Variants in DHRS1 observed in about 807,000 individuals in gnomAD.
DHRS1 encodes the protein dehydrogenase/reductase SDR family member 1.
DHRS1 carries 34 observed loss-of-function variants against 35.2 expected under a neutral mutation model. The ratio of observed to expected loss-of-function variants is 0.97; its 90% CI spans 0.74 to 1.29. DHRS1 has a LOEUF of 1.29. Among genes scored for constraint, DHRS1 ranks in the 50% most tolerant of loss-of-function variants. The pLI is 0.00. For synonymous variants in DHRS1, 133 were observed against 160.0 expected (o/e 0.83, Z 1.27); for missense variants, 354 against 403.6 (o/e 0.88, Z 1.05).
At chr14:24,299,339 G>GGA in intron 1 of DHRS1, 1 of 519,226 alleles carries the variant, frequency 1.9e-6, no homozygotes, top group South Asian at 2.4e-5. Flanking sequence ...AGTGAAGAAG[G>GGA]GGCTGAGTGG....
intron 5 of DHRS1, 24 bp downstream of exon 5, chr14:24,292,623 CCTCAG>C: frequency 6.2e-7 from 1 of 1,614,216 alleles, no homozygotes; most frequent in Non-Finnish European, 8.5e-7. Flanking sequence ...TCTTTTACCT[CCTCAG>C]CTCCTATGCC....
chr14:24,293,565 T>G (rs540831872), intron 4 of DHRS1: 31 of 151,546 alleles, frequency 2.0e-4, no homozygotes, highest in African/African-American at 7.3e-4. Context: ...CAGAGTGAGA[T>G]TGTCTCAAAA....
At position 24,299,206 on chromosome 14, in the gene DHRS1, A is replaced by G. The variant is rs115780613; in HGVS notation, c.-24-76T>C. On this transcript the variant is annotated intron_variant, in intron 1 of 8. Transcript: ENST00000288111. ...TTGGGGCGAGGTTGGGGGGTAGGGG[A>G]GAACCTCACTAGGGCTAAGAGGAGG... 266 of 1,374,660 alleles carry G rather than the reference A, an allele frequency of 1.9e-4. 1 individual carries two copies. In the African/African-American group the frequency reaches 3.5e-3, roughly 18 times the overall value. 85.2% of individuals were successfully genotyped at this position (1,374,660 alleles called of 1,614,324 possible).
chr14:24,292,656 G>C lies in DHRS1; in HGVS notation c.503C>G (p.Ala168Gly). ...MFNVPYGVGKAACDKLAADCA... is the reference protein window; with the variant it reads ...MFNVPYGVGKGACDKLAADCA... Reference sequence around the variant, plus strand: ...CCTATGCCACTGGGTCCTCACCGCAGCTTTGCCCACACCATAGGGGACATT... The same window carrying C: ...CCTATGCCACTGGGTCCTCACCGCACCTTTGCCCACACCATAGGGGACATT... The change falls in exon 5 of 9, where the codon GCT becomes GGT. Residue 168 changes from alanine (A) to glycine (G), a missense_variant. Transcript: ENST00000288111. 6.2e-7 allele frequency: 1 copy of C among 1,614,218 alleles called. No homozygotes were observed. Among genetic ancestry groups the C allele is most frequent in the Non-Finnish European group, 8.5e-7 (1 of 1,180,044 alleles).
At chr14:24,296,394 G>T in intron 4 of DHRS1, 115 bp downstream of exon 4, 2 of 991,396 alleles carry the variant, frequency 2.0e-6, no homozygotes, top group Non-Finnish European at 3.1e-6. Context: ...ATGGAAGGGA[G>T]AAGAAAGAGA....
At position 24,299,054 on chromosome 14, in the gene DHRS1, C is replaced by T; in HGVS notation, c.53G>A (p.Gly18Asp). Residue 18 changes from glycine to aspartate, a missense_variant, in exon 2 of 9, where the codon GGT becomes GAT. Transcript: ENST00000288111. ...CTGCAAGGCAATGCCACGGCCAATA[C>T]CCCTGGAGGCACCAGTCACCACACA... ...QVCVVTGASR[G>D]IGRGIALQLC... 1 of 1,614,094 alleles carries T rather than the reference C, an allele frequency of 6.2e-7. No individual in the cohort carries two copies. Among genetic ancestry groups the T allele is most frequent in the Non-Finnish European group, 8.5e-7 (1 of 1,179,968 alleles).
intron 3 of DHRS1, 28 bp from the exon 4 acceptor site, chr14:24,296,616 G>A: frequency 6.2e-7 from 1 of 1,613,884 alleles, no homozygotes; most frequent in Non-Finnish European, 8.5e-7. Context: ...GGTGATGAAT[G>A]ATCTGAAGGT....
At position 24,290,784 on chromosome 14, in the gene DHRS1, T is replaced by C. The variant is rs112529214; in HGVS notation, c.*75A>G. ...GGTATGGGTAAACAAGAAAGGCTGC[T>C]GTTTCACTGAGACAGGACGAACCAC... On this transcript the variant is annotated 3_prime_UTR_variant, in exon 9 of 9. Coordinates refer to ENST00000288111, the MANE Select transcript of DHRS1 (RefSeq NM_001136050.3). The C allele has an allele frequency of 2.9e-5, 45 of 1,575,204 alleles. No homozygotes were observed. The African/African-American group carries it at 4.2e-4, about 15-fold the overall frequency.
chr14:24,291,669 C>G, intron 6 of DHRS1, 44 bp from the exon 7 acceptor site: 16 of 1,580,760 alleles, frequency 1.0e-5, no homozygotes, highest in Non-Finnish European at 1.4e-5. Flanking sequence ...TTTCCAAGAG[C>G]ACTGCCCAGG....
chr14:24,292,422 C>T (rs1594603694), intron 5 of DHRS1, 92 bp from the exon 6 acceptor site: 1 of 1,555,612 alleles, frequency 6.4e-7, no homozygotes, highest in Non-Finnish European at 8.7e-7. Flanking sequence ...GCTCCACCCA[C>T]CCTGTCCTTC....
In DHRS1 at chr14:24,299,459, C is replaced by G. The variant is rs1252159333; in HGVS notation, c.-25+122G>C. On this transcript the variant is annotated intron_variant, in intron 1 of 8. Coordinates refer to ENST00000288111, the MANE Select transcript of DHRS1 (RefSeq NM_001136050.3). ...GCGTCCACGCAGAGTCCTGGGCTAT[C>G]TGAAGCTCCGGTCCCTGGCCTGACC... The G allele has an allele frequency of 2.6e-5, 6 of 233,700 alleles. No individual in the cohort carries two copies. In the Admixed American group the frequency reaches 3.1e-4, roughly 12 times the overall value. The allele number at this position is 233,700 out of a possible 1,614,324, so 14.5% of individuals were successfully genotyped here. A position where few individuals can be genotyped will look rare whatever the true frequency, so the allele number is the denominator to read the frequency against.
Position 24,291,010 on chromosome 14 carries a change from AGGAGGAGGATTAGATTC to A in DHRS1, c.806-32_806-16del. On this transcript the variant is annotated splice_polypyrimidine_tract_variant and intron_variant, in intron 8 of 8. Transcript: ENST00000288111. Reference sequence around the variant, plus strand: ...GACGGGGCGGCCTGGGAACAACAGGAGGAGGAGGATTAGATTCTCATTTCCCACTCCTCAGATACCCT... The same window carrying A: ...GACGGGGCGGCCTGGGAACAACAGGATCATTTCCCACTCCTCAGATACCCT... 6.2e-7 allele frequency: 1 copy of A among 1,614,000 alleles called. No individual in the cohort carries two copies. Among genetic ancestry groups the A allele is most frequent in the Non-Finnish European group, 8.5e-7 (1 of 1,179,954 alleles).
intron 6 of DHRS1, 79 bp downstream of exon 6, chr14:24,292,105 G>T: frequency 6.4e-7 from 1 of 1,556,868 alleles, no homozygotes; most frequent in Non-Finnish European, 8.8e-7. Context: ...CCTGGTGAGT[G>T]GGAGTATCTG....
intron 4 of DHRS1, 93 bp downstream of exon 4, chr14:24,296,416 G>GGGCGCGGTGGCTCA (rs2041247966): frequency 8.2e-7 from 1 of 1,225,550 alleles, no homozygotes; most frequent in Non-Finnish European, 1.2e-6. Flanking sequence ...GGGGGAGGCC[G>GGGCGCGGTGGCTCA]GAGGGAAAAG....
Position 24,290,664 on chromosome 14 carries a change from A to T in DHRS1, c.*195T>A, listed in dbSNP as rs550896096. The T allele has an allele frequency of 3.2e-4, 188 of 588,562 alleles. 2 individuals carry two copies. The highest frequency in any genetic ancestry group is 2.9e-3 in the African/African-American group (157 of 54,076). The allele number at this position is 588,562 out of a possible 1,614,324, so 36.5% of individuals were successfully genotyped here. On this transcript the variant is annotated 3_prime_UTR_variant, in exon 9 of 9. Coordinates refer to ENST00000288111, the MANE Select transcript of DHRS1 (RefSeq NM_001136050.3). Reference sequence around the variant, plus strand: ...TTCAATACTAAGGCAAAAAGTAAAAAGAAGGACAAGGAAAACCAAGGCACA... The same window carrying T: ...TTCAATACTAAGGCAAAAAGTAAAATGAAGGACAAGGAAAACCAAGGCACA...
chr14:24,296,644 T>C (rs1376033524), intron 3 of DHRS1, 56 bp from the exon 4 acceptor site: 1 of 1,612,672 alleles, frequency 6.2e-7, no homozygotes, highest in East Asian at 2.2e-5. Context: ...TGTGAGGGGC[T>C]GGGTAATGGA....
In DHRS1 at chr14:24,292,069, C is replaced by G. The variant is rs2041166097; in HGVS notation, c.654+115G>C. On this transcript the variant is annotated intron_variant, in intron 6 of 8. Transcript: ENST00000288111. Reference sequence around the variant, plus strand: ...AAGGAAATAATGTGTGTCCCATGCTCAGCCCTGCACCTGCCACAGTAAGCA... The same window carrying G: ...AAGGAAATAATGTGTGTCCCATGCTGAGCCCTGCACCTGCCACAGTAAGCA... The G allele has an allele frequency of 3.1e-6, 4 of 1,309,158 alleles. No individual in the cohort carries two copies. The South Asian group carries it at 5.1e-5, about 17-fold the overall frequency. 81.1% of individuals were successfully genotyped at this position (1,309,158 alleles called of 1,614,324 possible).
At chr14:24,296,457 C>T (rs1347531244) in intron 4 of DHRS1, 52 bp downstream of exon 4, 5 of 1,579,748 alleles carry the variant, frequency 3.2e-6, no homozygotes, top group African/African-American at 2.7e-5. Flanking sequence ...GCCTGGCCGT[C>T]GAGTTGGCTA....
intron 4 of DHRS1, 68 bp from the exon 5 acceptor site, chr14:24,292,852 G>A: frequency 6.5e-7 from 1 of 1,537,530 alleles, no homozygotes; most frequent in Non-Finnish European, 8.7e-7. Context: ...ACAGCCTCTG[G>A]CGGCTTCCCC....
Sources: allele counts gnomAD v4.1 joint callset, GRCh38; gene constraint gnomAD v4.1.1; transcripts MANE v1.5; gene names NCBI Gene and HGNC (gene_info 2026-07-23, HGNC 2026-07-21).